The following COMMD7 variants were observed in gnomAD, a reference collection of about 807,000 sequenced individuals.
COMMD7 encodes COMM domain-containing protein 7.
In COMMD7, 28 loss-of-function variants were observed where a neutral mutation model predicts 34.8. That is an observed-to-expected ratio of 0.80 (90% CI 0.60 to 1.10). COMMD7 has a LOEUF of 1.10. Among genes scored for constraint, COMMD7 ranks in the 50% least tolerant of loss-of-function variants. The pLI, the probability that COMMD7 is intolerant of heterozygous loss-of-function variation, is 0.00. For missense variants in COMMD7, 211 were observed against 241.6 expected, an observed-to-expected ratio of 0.87 and a Z score of 0.84; for synonymous variants, 80 against 86.4, an observed-to-expected ratio of 0.93 and a Z score of 0.41.
intron 3 of COMMD7, among the ~76,000 whole-genome samples, chr20:32,718,575 T>C (rs1030508994): frequency 1.3e-5 from 2 of 152,128 alleles, no homozygotes; most frequent in Admixed American, 6.6e-5. Context: ...GGCATGGGCC[T>C]GTAATCCCAG....
chr20:32,716,152 CCAAA>C (rs1370226884), intron 3 of COMMD7, among the ~76,000 whole-genome samples: 4 of 152,088 alleles, frequency 2.6e-5, no homozygotes, highest in Non-Finnish European at 5.9e-5. Flanking sequence ...GGAACCCATT[CCAAA>C]CAAACAAAAT....
At chr20:32,710,548 C>T (rs1984371277) in intron 3 of COMMD7, among the ~76,000 whole-genome samples, 1 of 150,684 alleles carries the variant, frequency 6.6e-6, no homozygotes, top group Admixed American at 6.6e-5. Context: ...CTGGGCAATA[C>T]AGGGAGACCC....
Position 32,728,119 on chromosome 20 carries a change from C to T in COMMD7, c.108G>A (p.Val36=). The T allele has an allele frequency of 2.5e-6, 4 of 1,614,106 alleles. No homozygotes were observed. The highest frequency in any genetic ancestry group is 1.3e-5 in the African/African-American group (1 of 75,034). ...TTGGCTCAGTTAGGAAGTGGAAAAG[C>T]ACCTCTGTCAGGGCTGAGAACTGCT... ...GAQQFSALTE[V]LFHFLTEPKE... Residue 36 remains valine (V), a synonymous_variant, in exon 2 of 9, where the codon GTG becomes GTA. Transcript: ENST00000278980.
chr20:32,741,293 C>T (rs1487246806), intron 1 of COMMD7, among the ~76,000 whole-genome samples: 1 of 151,806 alleles, frequency 6.6e-6, no homozygotes, highest in Non-Finnish European at 1.5e-5. Context: ...TCACCATGCA[C>T]TACAGCCTTG....
intron 3 of COMMD7, among the ~76,000 whole-genome samples, chr20:32,726,960 G>A (rs1056976656): frequency 1.3e-5 from 2 of 152,088 alleles, no homozygotes; most frequent in African/African-American, 4.8e-5. Flanking sequence ...CCTGGGCATG[G>A]TGGCTTATAC....
chr20:32,716,906 C>T (rs953991544), intron 3 of COMMD7, among the ~76,000 whole-genome samples: 12 of 151,728 alleles, frequency 7.9e-5, no homozygotes, highest in African/African-American at 2.9e-4. Context: ...TCGTCCAGGC[C>T]AGAGCGCAGT....
At chr20:32,721,527 T>G (rs566942975) in intron 3 of COMMD7, among the ~76,000 whole-genome samples, 4 of 151,228 alleles carry the variant, frequency 2.6e-5, no homozygotes, top group Non-Finnish European at 5.9e-5. Flanking sequence ...GGCGGATCAC[T>G]TGGGGTCAAA....
intron 3 of COMMD7, 29 bp downstream of exon 3, chr20:32,727,864 G>T (rs957257578): frequency 1.1e-5 from 17 of 1,514,342 alleles, no homozygotes; most frequent in Non-Finnish European, 1.4e-5. Flanking sequence ...TAATGTCTCT[G>T]GCCACAGCTG....
At chr20:32,725,721 C>G (rs961736246) in intron 3 of COMMD7, among the ~76,000 whole-genome samples, 7 of 152,094 alleles carry the variant, frequency 4.6e-5, no homozygotes, top group Admixed American at 1.3e-4. Context: ...AGCCACCACA[C>G]CTGGCCGCTC....
rs34067876 is a variant in COMMD7 at position 32,710,728 on chromosome 20, CA to C, written c.242-3969del. 5.2e-3 allele frequency among the ~76,000 whole-genome samples: 489 copies of C among 94,560 alleles called. 2 individuals are homozygous for C. The highest frequency in any genetic ancestry group is 0.015 in the African/African-American group (379 of 24,834). 62.0% of individuals were successfully genotyped at this position (94,560 alleles called of 152,430 possible). The stretch of plus-strand genomic sequence containing the variant: ...TATGTAACAGGGTGAGACCTCATCT[CA>C]AAAAAAAAAAAAAAAAAAATAGATG... On this transcript the variant is annotated intron_variant, in intron 3 of 8. Transcript: ENST00000278980.
intron 3 of COMMD7, among the ~76,000 whole-genome samples, chr20:32,725,822 G>C (rs1009390367): frequency 6.6e-6 from 1 of 151,624 alleles, no homozygotes; most frequent in African/African-American, 2.4e-5. Context: ...AGGCTGAGGC[G>C]GGCAGATCGC....
intron 1 of COMMD7, among the ~76,000 whole-genome samples, chr20:32,734,661 C>G (rs1986042494): frequency 6.6e-6 from 1 of 152,134 alleles, no homozygotes; most frequent in South Asian, 2.1e-4. Context: ...GGCACAGCGG[C>G]TCACGCCTGT....
intron 3 of COMMD7, among the ~76,000 whole-genome samples, chr20:32,719,805 A>C (rs1472744282): frequency 6.6e-6 from 1 of 152,204 alleles, no homozygotes; most frequent in African/African-American, 2.4e-5. Flanking sequence ...CAATAAATAA[A>C]GGCCATAACA....
chr20:32,729,611 C>G (rs1438199496), intron 1 of COMMD7, among the ~76,000 whole-genome samples: 4 of 96,076 alleles, frequency 4.2e-5, no homozygotes, highest in Admixed American at 9.6e-5. Flanking sequence ...CAAGACCCCA[C>G]CTCTTAAAAA....
intron 3 of COMMD7, among the ~76,000 whole-genome samples, chr20:32,726,045 A>G (rs990188106): frequency 1.4e-5 from 2 of 146,758 alleles, no homozygotes; most frequent in Admixed American, 1.4e-4. Flanking sequence ...TGTGGGCAAC[A>G]GAGCAAAAGC....
rs1216179090 is a variant in COMMD7 at position 32,702,862 on chromosome 20, G to A, written c.*520C>T. The stretch of plus-strand genomic sequence containing the variant: ...GTTCTCTGCAGAGAAGACCAAGCAT[G>A]TATTTACACACAGGTGCCTCATTAA... On this transcript the variant is annotated 3_prime_UTR_variant, in exon 9 of 9. Transcript: ENST00000278980. 6.5e-6 allele frequency: 1 copy of A among 152,674 alleles called. No homozygotes were observed. Among genetic ancestry groups the A allele is most frequent in the East Asian group, 1.9e-4 (1 of 5,198 alleles). The allele number at this position is 152,674 out of a possible 1,614,324, so 9.5% of individuals were successfully genotyped here.
At chr20:32,741,073 G>A (rs1316971467) in intron 1 of COMMD7, among the ~76,000 whole-genome samples, 1 of 151,924 alleles carries the variant, frequency 6.6e-6, no homozygotes, top group Admixed American at 6.6e-5. Flanking sequence ...AGCCCAGGAG[G>A]TGAAGTTTGC....
rs755120859 is a variant in COMMD7 at position 32,703,336 on chromosome 20, G to A, written c.*46C>T. 16 of 1,556,904 alleles carry A rather than the reference G, an allele frequency of 1.0e-5. No homozygotes were observed. In the South Asian group the frequency reaches 1.7e-4, roughly 17 times the overall value. On this transcript the variant is annotated 3_prime_UTR_variant, in exon 9 of 9. Coordinates refer to ENST00000278980, the MANE Select transcript of COMMD7 (RefSeq NM_053041.3). ...CCTCTCAGAGCAGTCACCCAGGGAA[G>A]GGAGGAGGGCAGGGAACGGGGCCAG...
chr20:32,736,535 T>G (rs1245883274), intron 1 of COMMD7, among the ~76,000 whole-genome samples: 1 of 151,902 alleles, frequency 6.6e-6, no homozygotes, highest in African/African-American at 2.4e-5. Context: ...CCAGGCATGG[T>G]GGCACATGCC....
Sources: gnomAD v4.1 joint callset for allele counts (sites outside exome capture counted in the v4.1 genomes callset) on GRCh38, gnomAD v4.1.1 for gene constraint, MANE v1.5 for transcripts, NCBI Gene and HGNC (gene_info 2026-07-23, HGNC 2026-07-21) for gene names.